The following PDE4B variants were observed in gnomAD, a reference collection of about 807,000 sequenced individuals.
The protein encoded by PDE4B is 3',5'-cyclic-AMP phosphodiesterase 4B.
A neutral mutation model predicts 82.2 loss-of-function variants in PDE4B; 20 were observed. The ratio of observed to expected loss-of-function variants is 0.24; its 90% CI spans 0.17 to 0.35. The LOEUF is 0.35. Ranked by LOEUF, PDE4B falls within the 10% of genes least tolerant of loss-of-function variation. The pLI is 1.00. For synonymous variants in PDE4B, 320 were observed against 318.9 expected (o/e 1.00, Z -0.04); for missense variants, 655 against 907.2 (o/e 0.72, Z 3.57).
intron 3 of PDE4B, among the ~76,000 whole-genome samples, chr1:66,058,287 C>G (rs1655408252): frequency 6.6e-6 from 1 of 152,204 alleles, no homozygotes; most frequent in African/African-American, 2.4e-5. Context: ...GCACAGCCTT[C>G]CTCCCAGCTG....
At chr1:65,821,057 A>C (rs1001307967) in intron 1 of PDE4B, among the ~76,000 whole-genome samples, 1 of 152,194 alleles carries the variant, frequency 6.6e-6, no homozygotes, top group African/African-American at 2.4e-5. Flanking sequence ...CCCTGGCCAT[A>C]ATTTACAAAC....
intron 3 of PDE4B, among the ~76,000 whole-genome samples, chr1:66,114,166 G>T (rs1050776277): frequency 2.6e-5 from 4 of 152,124 alleles, no homozygotes; most frequent in Non-Finnish European, 5.9e-5. Flanking sequence ...ACAAGGAGGC[G>T]CTGTCTATGA....
chr1:66,232,655 A>T (rs1409817746), intron 3 of PDE4B, among the ~76,000 whole-genome samples: 1 of 152,222 alleles, frequency 6.6e-6, no homozygotes, highest in African/African-American at 2.4e-5. Context: ...AATATAGGAG[A>T]AAAACCAGGA....
chr1:65,793,680 A>ATGCTCCTGCGTGCCCTGGTGGC lies in PDE4B; in HGVS notation c.-71+435_-71+456dup, dbSNP rs151239073. Reference sequence around the variant, plus strand: ...GAGTTTGCTGGGCTGAGGCTCCAGGATGCTCCTGCGTGCCCTGGTGGCTGG... The same window carrying ATGCTCCTGCGTGCCCTGGTGGC: ...GAGTTTGCTGGGCTGAGGCTCCAGGATGCTCCTGCGTGCCCTGGTGGCTGCTCCTGCGTGCCCTGGTGGCTGG... On this transcript the variant is annotated intron_variant, in intron 1 of 16. Coordinates refer to ENST00000341517, the MANE Select transcript of PDE4B (RefSeq NM_002600.4). 1.6e-4 allele frequency among the ~76,000 whole-genome samples: 25 copies of ATGCTCCTGCGTGCCCTGGTGGC among 152,280 alleles called. No homozygotes were observed. The East Asian group carries it at 4.3e-3, about 26-fold the overall frequency.
At chr1:65,935,207 A>T (rs1648059389) in intron 3 of PDE4B, among the ~76,000 whole-genome samples, 1 of 152,166 alleles carries the variant, frequency 6.6e-6, no homozygotes, top group African/African-American at 2.4e-5. Flanking sequence ...TAGCAGAAGG[A>T]AAACTGGAAA....
chr1:66,047,878 C>G (rs1654800931), intron 3 of PDE4B, among the ~76,000 whole-genome samples: 1 of 151,922 alleles, frequency 6.6e-6, no homozygotes, highest in South Asian at 2.1e-4. Flanking sequence ...GGAAGTGTTG[C>G]TTGTTTACTT....
At chr1:65,977,093 T>G (rs1337750851) in intron 3 of PDE4B, among the ~76,000 whole-genome samples, 1 of 152,236 alleles carries the variant, frequency 6.6e-6, no homozygotes, top group Non-Finnish European at 1.5e-5. Context: ...CTTGATCTAC[T>G]AGTTATAATT....
rs576069711 is a variant in PDE4B, at chr1:66,110,934, A to G, written c.282-136526A>G. 2.9e-4 allele frequency among the ~76,000 whole-genome samples: 44 copies of G among 152,204 alleles called. No homozygotes were observed. In the South Asian group the frequency reaches 8.9e-3, roughly 31 times the overall value. ...AAAAGCTTTGGAAAAGCAGAATTGG[A>G]TAAGTCAGGACCTGACTAATCTGAC... On this transcript the variant is annotated intron_variant, in intron 3 of 16. Transcript: ENST00000341517.
chr1:66,203,271 G>A (rs1341241678), intron 3 of PDE4B, among the ~76,000 whole-genome samples: 1 of 152,054 alleles, frequency 6.6e-6, no homozygotes, highest in Non-Finnish European at 1.5e-5. Flanking sequence ...CTCTCTGGCT[G>A]CCCTTAACAT....
chr1:66,357,816 T>A (rs1283470290), intron 9 of PDE4B, among the ~76,000 whole-genome samples: 2 of 152,088 alleles, frequency 1.3e-5, no homozygotes, highest in Non-Finnish European at 2.9e-5. Flanking sequence ...GGAACACTGG[T>A]ATAGATGACA....
At chr1:66,244,305 C>T (rs919580783) in intron 3 of PDE4B, among the ~76,000 whole-genome samples, 42 of 152,002 alleles carry the variant, frequency 2.8e-4, no homozygotes, top group South Asian at 2.1e-4. Context: ...CTATTGTCTA[C>T]GTTTTATATA....
chr1:66,232,689 T>G (rs1362152202), intron 3 of PDE4B, among the ~76,000 whole-genome samples: 1 of 152,112 alleles, frequency 6.6e-6, no homozygotes. Context: ...GAAAGTCAAA[T>G]GAAGGATAAC....
chr1:65,980,218 AAT>A (rs1650616293), intron 3 of PDE4B, among the ~76,000 whole-genome samples: 1 of 152,206 alleles, frequency 6.6e-6, no homozygotes, highest in African/African-American at 2.4e-5. Flanking sequence ...CACTTTTAAA[AAT>A]ATGTGTATAT....
intron 7 of PDE4B, chr1:66,332,266 C>G: frequency 6.8e-7 from 1 of 1,476,976 alleles, no homozygotes; most frequent in Non-Finnish European, 8.9e-7. Flanking sequence ...CTTGGTAGAT[C>G]ACCGACACCT....
intron 1 of PDE4B, among the ~76,000 whole-genome samples, chr1:65,839,256 T>C (rs961192189): frequency 2.1e-5 from 3 of 145,130 alleles, no homozygotes; most frequent in Non-Finnish European, 4.5e-5. Flanking sequence ...TACCAATGAT[T>C]TTTTTTTTTT....
intron 8 of PDE4B, chr1:66,354,782 G>C: frequency 6.5e-7 from 1 of 1,532,498 alleles, no homozygotes; most frequent in Non-Finnish European, 8.7e-7. Context: ...TTTCGGGATT[G>C]CTCTCTCAGA....
intron 3 of PDE4B, among the ~76,000 whole-genome samples, chr1:65,939,778 C>G (rs947909430): frequency 1.3e-5 from 2 of 152,110 alleles, no homozygotes; most frequent in Non-Finnish European, 2.9e-5. Context: ...ACTGTCTGAG[C>G]TAGTCAGTGA....
At chr1:66,057,255 T>A (rs1655352317) in intron 3 of PDE4B, among the ~76,000 whole-genome samples, 1 of 152,172 alleles carries the variant, frequency 6.6e-6, no homozygotes, top group African/African-American at 2.4e-5. Context: ...ATAATAGACA[T>A]GTTTCCCACT....
At chr1:66,128,319 T>A (rs1645865718) in intron 3 of PDE4B, among the ~76,000 whole-genome samples, 1 of 152,232 alleles carries the variant, frequency 6.6e-6, no homozygotes, top group Non-Finnish European at 1.5e-5. Context: ...ATTTTATTTT[T>A]GTTCCCTGAA....
Sources: allele counts gnomAD v4.1 joint callset (sites outside exome capture counted in the v4.1 genomes callset), GRCh38; gene constraint gnomAD v4.1.1; transcripts MANE v1.5; gene names NCBI Gene and HGNC (gene_info 2026-07-23, HGNC 2026-07-21).